Variants in GSG1L observed in about 807,000 individuals in gnomAD.
GSG1L encodes GSG1 like.
A neutral mutation model predicts 42.1 loss-of-function variants in GSG1L; 24 were observed. The ratio of observed to expected loss-of-function variants is 0.57; its 90% confidence interval spans 0.41 to 0.80. GSG1L has a LOEUF of 0.80. Among genes scored for constraint, GSG1L ranks in the 30% least tolerant of loss-of-function variants. The probability of loss-of-function intolerance (pLI) is 0.00; values close to 1 mark genes in which losing one functional copy is unlikely to be tolerated. For synonymous variants in GSG1L, 215 were observed against 203.5 expected, an observed-to-expected ratio of 1.06 and a Z score of -0.48; for missense variants, 445 against 472.2, an observed-to-expected ratio of 0.94 and a Z score of 0.53.
intron 2 of GSG1L, among the ~76,000 whole-genome samples, chr16:27,927,685 C>A (rs2084610951): frequency 6.6e-6 from 1 of 152,228 alleles, no homozygotes; most frequent in Non-Finnish European, 1.5e-5. Flanking sequence ...GTGCTCCACC[C>A]AGCCACCTCC....
At chr16:27,980,294 A>G (rs1007246926) in intron 1 of GSG1L, among the ~76,000 whole-genome samples, 20 of 152,310 alleles carry the variant, frequency 1.3e-4, no homozygotes, top group Admixed American at 1.2e-3. Context: ...GGAGCCCAGC[A>G]TCCTTGGCTG....
At chr16:27,792,100 C>T (rs1228596885) in intron 6 of GSG1L, among the ~76,000 whole-genome samples, 1 of 152,112 alleles carries the variant, frequency 6.6e-6, no homozygotes, top group Non-Finnish European at 1.5e-5. Flanking sequence ...CAGCCATCAT[C>T]CACCACCATC....
chr16:28,055,476 T>A (rs2086269265), intron 1 of GSG1L, among the ~76,000 whole-genome samples: 1 of 142,432 alleles, frequency 7.0e-6, no homozygotes, highest in African/African-American at 2.5e-5. Flanking sequence ...TTATTTTTTT[T>A]AATTTTTTTT....
At chr16:27,797,390 G>A (rs1162708420) in intron 6 of GSG1L, among the ~76,000 whole-genome samples, 1 of 152,016 alleles carries the variant, frequency 6.6e-6, no homozygotes, top group Admixed American at 6.6e-5. Flanking sequence ...TGGTGTGGTA[G>A]CAGGTGCCTG....
At chr16:27,796,256 T>C (rs1306745103) in intron 6 of GSG1L, among the ~76,000 whole-genome samples, 1 of 152,208 alleles carries the variant, frequency 6.6e-6, no homozygotes, top group Non-Finnish European at 1.5e-5. Flanking sequence ...ACTGTCTGTC[T>C]GCCCAACCTT....
At chr16:27,834,997 A>G (rs1367977845) in intron 4 of GSG1L, among the ~76,000 whole-genome samples, 9 of 151,852 alleles carry the variant, frequency 5.9e-5, no homozygotes, top group Non-Finnish European at 8.8e-5. Flanking sequence ...AGCTGATTTG[A>G]TTTGAAACAT....
At chr16:28,054,610 C>T (rs1231510067) in intron 1 of GSG1L, among the ~76,000 whole-genome samples, 1 of 152,022 alleles carries the variant, frequency 6.6e-6, no homozygotes, top group Non-Finnish European at 1.5e-5. Context: ...GCCTCGGCAA[C>T]ACATTGAGAC....
chr16:27,945,776 G>A (rs1039506062), intron 2 of GSG1L, among the ~76,000 whole-genome samples: 1 of 152,232 alleles, frequency 6.6e-6, no homozygotes, highest in East Asian at 1.9e-4. Flanking sequence ...TCAGGGGCAT[G>A]GGCCTCTCTG....
intron 3 of GSG1L, among the ~76,000 whole-genome samples, chr16:27,874,441 C>CTTTGTTTTTT (rs2083860120): frequency 2.1e-5 from 2 of 94,428 alleles, no homozygotes; most frequent in African/African-American, 7.4e-5. Flanking sequence ...ACAGGAGAGC[C>CTTTGTTTTTT]TTTTTTTTTT....
At position 27,986,495 on chromosome 16, in the gene GSG1L, G is replaced by T. The variant is rs1596676522; in HGVS notation, c.350-23292C>A. On this transcript the variant is annotated intron_variant, in intron 1 of 6. Coordinates refer to ENST00000447459, the MANE Select transcript of GSG1L (RefSeq NM_001109763.2). ...CACTCCAGCCTGAGCGACCGAGCGA[G>T]ACTCCGCCTCAAAAAAAAAAAAAAA... Among the ~76,000 whole-genome samples the T allele has an allele frequency of 2.9e-5, 3 of 104,182 alleles. No individual in the cohort carries two copies. The East Asian group carries it at 8.1e-4, about 28-fold the overall frequency. 68.3% of individuals were successfully genotyped at this position (104,182 alleles called of 152,430 possible).
chr16:27,872,131 G>A (rs1162842504), intron 3 of GSG1L, among the ~76,000 whole-genome samples: 1 of 152,162 alleles, frequency 6.6e-6, no homozygotes, highest in Non-Finnish European at 1.5e-5. Context: ...CTCTGCTGCC[G>A]TATTCCCTGC....
At chr16:27,893,245 C>G (rs970092958) in intron 2 of GSG1L, among the ~76,000 whole-genome samples, 1 of 152,114 alleles carries the variant, frequency 6.6e-6, no homozygotes, top group Admixed American at 6.5e-5. Flanking sequence ...TTTGTGATGC[C>G]AACTCTGACC....
chr16:27,850,599 G>A (rs1172723284), intron 3 of GSG1L: 19 of 455,692 alleles, frequency 4.2e-5, no homozygotes, highest in Middle Eastern at 3.5e-4. Context: ...GGGAGGCTGA[G>A]GGAAAACCAG....
At chr16:27,793,561 A>G (rs1449376185) in intron 6 of GSG1L, among the ~76,000 whole-genome samples, 1 of 152,156 alleles carries the variant, frequency 6.6e-6, no homozygotes, top group Non-Finnish European at 1.5e-5. Flanking sequence ...ATAAGCATTT[A>G]GGCATAATTT....
chr16:27,894,028 TGG>T (rs1045328710), intron 2 of GSG1L, among the ~76,000 whole-genome samples: 2 of 152,220 alleles, frequency 1.3e-5, no homozygotes, highest in African/African-American at 4.8e-5. Context: ...GCAGGGATTA[TGG>T]GCATGAGCCA....
At chr16:27,830,724 G>A (rs2083266071) in intron 4 of GSG1L, among the ~76,000 whole-genome samples, 1 of 152,188 alleles carries the variant, frequency 6.6e-6, no homozygotes, top group Admixed American at 6.5e-5. Context: ...GGTGAAAGCT[G>A]GTCCAATCAG....
chr16:27,788,301 T>C lies in GSG1L; in HGVS notation c.*3069A>G, dbSNP rs1019925135. ...AGCCCACTTTCTTCTCTTTCTTGAG[T>C]GTAAGAGGGATGAGGAAGGGAGAAG... is the stretch of plus-strand genomic sequence containing the variant. On this transcript the variant is annotated 3_prime_UTR_variant, in exon 7 of 7. Coordinates refer to ENST00000447459, the MANE Select transcript of GSG1L (RefSeq NM_001109763.2). 1 of 152,116 alleles carries C rather than the reference T, an allele frequency of 6.6e-6. No homozygotes were observed. Among genetic ancestry groups the C allele is most frequent in the Non-Finnish European group, 1.5e-5 (1 of 68,030 alleles). 9.4% of individuals were successfully genotyped at this position (152,116 alleles called of 1,614,324 possible).
intron 2 of GSG1L, among the ~76,000 whole-genome samples, chr16:27,915,821 G>T (rs1261472529): frequency 2.0e-5 from 3 of 152,174 alleles, no homozygotes; most frequent in Non-Finnish European, 4.4e-5. Flanking sequence ...ATAGGATCAT[G>T]TCAGGTAGCG....
intron 1 of GSG1L, among the ~76,000 whole-genome samples, chr16:28,052,442 T>G (rs2086231075): frequency 6.6e-6 from 1 of 152,128 alleles, no homozygotes; most frequent in Non-Finnish European, 1.5e-5. Flanking sequence ...GTCTCTGCTC[T>G]CTAAGCACAT....
Sources: allele counts gnomAD v4.1 joint callset (sites outside exome capture counted in the v4.1 genomes callset), GRCh38; gene constraint gnomAD v4.1.1; transcripts MANE v1.5; gene names NCBI Gene and HGNC (gene_info 2026-07-23, HGNC 2026-07-21).